ATRX: variants seen among roughly 807,000 people sequenced by gnomAD.
ATRX encodes the protein chromatin remodeler ATRX.
A neutral mutation model predicts 172.6 loss-of-function variants in ATRX; 12 were observed. That is an observed-to-expected ratio of 0.07 (90% CI 0.04 to 0.11). ATRX has a LOEUF of 0.11. Among genes scored for constraint, ATRX ranks in the 10% least tolerant of loss-of-function variants. ATRX has a pLI of 1.00. For synonymous variants in ATRX, 674 were observed against 594.7 expected, an observed-to-expected ratio of 1.13 and a Z score of -1.94; for missense variants, 1,368 against 1,767.4, an observed-to-expected ratio of 0.77 and a Z score of 4.05.
chrX:77,555,156 G>A (rs181969822), intron 30 of ATRX, among the ~76,000 whole-genome samples: 7 of 111,387 alleles, frequency 6.3e-5, no homozygotes, highest in Non-Finnish European at 1.9e-5. Context: ...GGTTCACAAT[G>A]AGATGCCATC....
intron 1 of ATRX, among the ~76,000 whole-genome samples, chrX:77,772,467 CAAAAA>C (rs782408268): frequency 5.0e-5 from 2 of 39,847 alleles, no homozygotes; most frequent in Non-Finnish European, 9.4e-5. Context: ...TCCCTTCTCT[CAAAAA>C]AAAAAAAAAA....
intron 22 of ATRX, among the ~76,000 whole-genome samples, chrX:77,615,262 G>A (rs2148235399): frequency 9.0e-6 from 1 of 111,437 alleles, no homozygotes; most frequent in South Asian, 3.8e-4. Context: ...GCCTCCCAAA[G>A]TGCTGTGATT....
chrX:77,785,698 C>A (rs949564112), intron 1 of ATRX: 38 of 491,745 alleles, frequency 7.7e-5, no homozygotes, highest in Non-Finnish European at 9.3e-5. Flanking sequence ...AAAGAATAAA[C>A]AGAGGAGCCC....
At chrX:77,772,644 T>G (rs1241114627) in intron 1 of ATRX, among the ~76,000 whole-genome samples, 1 of 100,126 alleles carries the variant, frequency 1.0e-5, no homozygotes, top group Non-Finnish European at 2.0e-5. Context: ...GCCCAGCTAG[T>G]TTTTTTTTTT....
intron 25 of ATRX, chrX:77,595,351 G>A (rs1239536638): frequency 9.0e-6 from 1 of 111,506 alleles, no homozygotes; most frequent in Non-Finnish European, 1.9e-5. Flanking sequence ...CTTCTACCAG[G>A]TCTCCAGGGA....
chrX:77,671,305 G>C (rs2070601662), intron 10 of ATRX, among the ~76,000 whole-genome samples: 1 of 102,336 alleles, frequency 9.8e-6, no homozygotes, highest in South Asian at 4.3e-4. Context: ...TTTTTTTTTA[G>C]TCGCAAATCC....
chrX:77,568,461 C>A (rs1338481402), intron 28 of ATRX, among the ~76,000 whole-genome samples: 1 of 111,929 alleles, frequency 8.9e-6, no homozygotes, highest in African/African-American at 3.2e-5. Context: ...CCTAAAACTA[C>A]TGAGGAAATT....
Position 77,507,206 on chromosome X carries a change from A to G in ATRX, c.*1145T>C, listed in dbSNP as rs1557033849. ...AACTAAAAAAAAAACAAACTCTGAA[A>G]CAATTTAAAAAAATGTAAGGAAACT... On this transcript the variant is annotated 3_prime_UTR_variant, in exon 35 of 35. Transcript: ENST00000373344. 1 of 171,389 alleles carries G rather than the reference A, an allele frequency of 5.8e-6. No individual in the cohort carries two copies. The highest frequency in any genetic ancestry group is 3.0e-5 in the African/African-American group (1 of 33,614). 14.1% of individuals were successfully genotyped at this position (171,389 alleles called of 1,213,427 possible). A position where few individuals can be genotyped will look rare whatever the true frequency, so the allele number is the denominator to read the frequency against.
intron 31 of ATRX, chrX:77,522,595 T>TGATAATTC: frequency 4.9e-6 from 2 of 404,541 alleles, no homozygotes; most frequent in Non-Finnish European, 8.6e-6. Flanking sequence ...TTTTTTTTTC[T>TGATAATTC]GATAATTCCC....
chrX:77,733,826 G>A (rs1293116312), intron 1 of ATRX, among the ~76,000 whole-genome samples: 2 of 108,715 alleles, frequency 1.8e-5, no homozygotes, highest in African/African-American at 6.7e-5. Flanking sequence ...AGAGGTTGCA[G>A]TGAGGGGAGA....
chrX:77,652,219 A>G lies in ATRX; in HGVS notation c.4452T>C (p.Leu1484=). The change falls in exon 15 of 35, where the codon CTT becomes CTC. Residue 1484 remains leucine (L), a synonymous_variant. Transcript: ENST00000373344. ...TTTCTGTTCTCAGTTTATCATCTTT[A>G]AGAATCTTCCGAATTTTCTTTCTGC... ...GKGRKKIRKI[L]KDDKLRTETQ... 8.3e-7 allele frequency: 1 copy of G among 1,210,883 alleles called. No homozygotes were observed. Among genetic ancestry groups the G allele is most frequent in the Non-Finnish European group, 1.1e-6 (1 of 895,401 alleles).
intron 5 of ATRX, among the ~76,000 whole-genome samples, chrX:77,696,356 A>C (rs1345514892): frequency 8.9e-6 from 1 of 112,148 alleles, no homozygotes; most frequent in Admixed American, 9.5e-5. Context: ...GAAAGAAAAA[A>C]ATAGATTTCA....
intron 30 of ATRX, among the ~76,000 whole-genome samples, chrX:77,535,105 C>T (rs1403427344): frequency 2.7e-5 from 3 of 112,214 alleles, no homozygotes; most frequent in South Asian, 3.7e-4. Context: ...AAAGCCTCTA[C>T]TTTCAAATTT....
intron 10 of ATRX, among the ~76,000 whole-genome samples, chrX:77,671,721 G>T (rs1276967318): frequency 2.7e-5 from 3 of 111,003 alleles, no homozygotes; most frequent in Non-Finnish European, 3.8e-5. Context: ...TCAGAAAAAT[G>T]AATCACTTTT....
chrX:77,601,098 A>T (rs781958606), intron 22 of ATRX, among the ~76,000 whole-genome samples: 1 of 110,869 alleles, frequency 9.0e-6, no homozygotes, highest in South Asian at 3.9e-4. Flanking sequence ...TAGATTACAA[A>T]CTCCTGTTAT....
At chrX:77,525,269 T>C (rs1557043288) in intron 30 of ATRX, among the ~76,000 whole-genome samples, 1 of 111,911 alleles carries the variant, frequency 8.9e-6, no homozygotes, top group Non-Finnish European at 1.9e-5. Context: ...ACTAGATCAA[T>C]CTCCAAAGTC....
chrX:77,583,695 A>T (rs992618689), intron 27 of ATRX, among the ~76,000 whole-genome samples: 1 of 111,989 alleles, frequency 8.9e-6, no homozygotes, highest in Non-Finnish European at 1.9e-5. Flanking sequence ...TATCATACTA[A>T]AGAAAGAAAA....
intron 2 of ATRX, among the ~76,000 whole-genome samples, chrX:77,704,685 G>A (rs181142768): frequency 2.0e-4 from 22 of 112,626 alleles, no homozygotes; most frequent in Middle Eastern, 9.2e-3. Flanking sequence ...GGCAGCAGAA[G>A]GCTGGCATGT....
intron 22 of ATRX, among the ~76,000 whole-genome samples, chrX:77,603,515 G>A (rs1169365672): frequency 4.8e-5 from 5 of 103,323 alleles, no homozygotes; most frequent in African/African-American, 1.7e-4. Flanking sequence ...ACAGGTGCCT[G>A]CCACCATGCT....
Sources: allele counts gnomAD v4.1 joint callset (sites outside exome capture counted in the v4.1 genomes callset), GRCh38; gene constraint gnomAD v4.1.1; transcripts MANE v1.5; gene names NCBI Gene and HGNC (gene_info 2026-07-23, HGNC 2026-07-21).